The following NR2C1 variants were observed in gnomAD, a reference collection of about 807,000 sequenced individuals.
The protein encoded by NR2C1 is nuclear receptor subfamily 2 group C member 1.
NR2C1 carries 33 observed loss-of-function variants against 74.8 expected under a neutral mutation model. That is an observed-to-expected ratio of 0.44 (90% confidence interval 0.33 to 0.59). The LOEUF (loss-of-function observed/expected upper bound fraction) is 0.59, where lower values mean the gene tolerates loss of function less well. NR2C1 is among the 20% of genes least tolerant of loss of function. The probability of loss-of-function intolerance (pLI) is 0.02; values close to 1 mark genes in which losing one functional copy is unlikely to be tolerated. For synonymous variants in NR2C1, 225 were observed against 240.6 expected (o/e 0.94, Z 0.60); for missense variants, 568 against 715.6 (o/e 0.79, Z 2.35).
chr12:95,056,928 T>C (rs1409471420), intron 7 of NR2C1, among the ~76,000 whole-genome samples: 23 of 141,332 alleles, frequency 1.6e-4, no homozygotes, highest in African/African-American at 2.4e-4. Context: ...CACTGCACTC[T>C]AGCCTCGGCA....
Position 95,052,929 on chromosome 12 carries a change from C to T in NR2C1, c.784-986G>A, listed in dbSNP as rs192608537. Among the ~76,000 whole-genome samples the T allele has an allele frequency of 9.9e-5, 15 of 152,110 alleles. No homozygotes were observed. The East Asian group carries it at 1.2e-3, about 12-fold the overall frequency. On this transcript the variant is annotated intron_variant, in intron 7 of 13. Coordinates refer to ENST00000333003, the MANE Select transcript of NR2C1 (RefSeq NM_003297.4). The stretch of plus-strand genomic sequence containing the variant: ...TAGATCAGTTACCCATTATTCTCTT[C>T]ACTTTTTTGTCACTGGAGTTGAAAA...
rs1282445697 is a variant in NR2C1, at chr12:95,057,584, G to C, written c.752C>G (p.Thr251Ser). 1 of 1,613,866 alleles carries C rather than the reference G, an allele frequency of 6.2e-7. No individual in the cohort carries two copies. The highest frequency in any genetic ancestry group is 8.5e-7 in the Non-Finnish European group (1 of 1,179,900). Reference sequence around the variant, plus strand: ...TGATGTCATCAGCACAGCTGACTCAGTTTTTACTCCAGATGGATGAATATT... The same window carrying C: ...TGATGTCATCAGCACAGCTGACTCACTTTTTACTCCAGATGGATGAATATT... ...FMNIHPSGVKTESAVLMTSDK... is the reference protein window; with the variant it reads ...FMNIHPSGVKSESAVLMTSDK... Residue 251 changes from threonine to serine, a missense_variant, in exon 7 of 14, where the codon ACT (threonine) becomes AGT (serine). Thr to Ser is a moderately conservative substitution (Grantham distance 58, BLOSUM62 1). This residue lies in a region of NR2C1 where 239 missense variants were observed against 232.3 expected (regional missense o/e 1.03). Coordinates refer to ENST00000333003, the MANE Select transcript of NR2C1 (RefSeq NM_003297.4).
chr12:95,060,510 C>G (rs761576246), intron 3 of NR2C1, among the ~76,000 whole-genome samples: 1 of 152,142 alleles, frequency 6.6e-6, no homozygotes, highest in African/African-American at 2.4e-5. Flanking sequence ...AAAAAATTAG[C>G]TGGGTGTGGT....
chr12:95,067,557 T>C (rs537451131), intron 1 of NR2C1, among the ~76,000 whole-genome samples, 166 bp from the exon 2 acceptor site: 71 of 152,074 alleles, frequency 4.7e-4, no homozygotes, highest in African/African-American at 1.7e-3. Context: ...TGGGTTGCCT[T>C]TTCCATGTGT....
intron 9 of NR2C1, among the ~76,000 whole-genome samples, chr12:95,044,290 T>C (rs1357837318): frequency 6.6e-6 from 1 of 151,608 alleles, no homozygotes; most frequent in East Asian, 1.9e-4. Flanking sequence ...TTTTTTGAGA[T>C]GCAGTCTTGC....
chr12:95,032,189 G>C (rs2136105216), intron 10 of NR2C1, among the ~76,000 whole-genome samples: 1 of 152,326 alleles, frequency 6.6e-6, no homozygotes, highest in Admixed American at 6.5e-5. Context: ...TTTATAGTAG[G>C]CAAGCAACCA....
chr12:95,043,055 G>A lies in NR2C1; in HGVS notation c.1132-2458C>T, dbSNP rs565586008. On this transcript the variant is annotated intron_variant, in intron 9 of 13. Coordinates refer to ENST00000333003, the MANE Select transcript of NR2C1 (RefSeq NM_003297.4). ...AGGTGGAAGAGCTGCTTGAACCTAGGAATTTTGAGACCAACCTGGGAAACA... is the reference window on the plus strand; with the variant it reads ...AGGTGGAAGAGCTGCTTGAACCTAGAAATTTTGAGACCAACCTGGGAAACA... Among the ~76,000 whole-genome samples, 48 of 152,036 alleles carry A rather than the reference G, an allele frequency of 3.2e-4. 1 individual carries two copies. The highest frequency in any genetic ancestry group is 1.1e-3 in the Admixed American group (17 of 15,262).
At chr12:95,039,549 AT>A (rs1871251049) in intron 10 of NR2C1, among the ~76,000 whole-genome samples, 2 of 152,212 alleles carry the variant, frequency 1.3e-5, no homozygotes, top group South Asian at 4.1e-4. Flanking sequence ...ATTTAAATAC[AT>A]TTGGCAAACT....
At chr12:95,039,208 T>G (rs1385248781) in intron 10 of NR2C1, among the ~76,000 whole-genome samples, 1 of 152,252 alleles carries the variant, frequency 6.6e-6, no homozygotes, top group Non-Finnish European at 1.5e-5. Flanking sequence ...CATGATTTAA[T>G]GCATAGTATA....
Position 95,021,679 on chromosome 12 carries a change from T to C in NR2C1, c.*550A>G, listed in dbSNP as rs1868791884. The C allele has an allele frequency of 6.6e-6, 1 of 152,328 alleles. No homozygotes were observed. Among genetic ancestry groups the C allele is most frequent in the Non-Finnish European group, 1.5e-5 (1 of 68,146 alleles). 9.4% of individuals were successfully genotyped at this position (152,328 alleles called of 1,614,324 possible). A position where few individuals can be genotyped will look rare whatever the true frequency, so the allele number is the denominator to read the frequency against. ...TAGTATATGCTAAGGGACACCATGA[T>C]ATTTAGAGAAGACAAAAAATATGTA... On this transcript the variant is annotated 3_prime_UTR_variant, in exon 14 of 14. Coordinates refer to ENST00000333003, the MANE Select transcript of NR2C1 (RefSeq NM_003297.4).
chr12:95,069,768 A>G (rs894321774), intron 1 of NR2C1, among the ~76,000 whole-genome samples: 1 of 152,098 alleles, frequency 6.6e-6, no homozygotes, highest in African/African-American at 2.4e-5. Flanking sequence ...TAATCCATCC[A>G]TCCATGCATC....
chr12:95,038,614 T>C (rs762387793), intron 10 of NR2C1, among the ~76,000 whole-genome samples: 6 of 152,160 alleles, frequency 3.9e-5, no homozygotes, highest in Non-Finnish European at 7.4e-5. Context: ...AAAAATTAGC[T>C]GGGCTTGGTG....
chr12:95,026,532 T>A (rs1406807103), intron 12 of NR2C1, among the ~76,000 whole-genome samples: 2 of 152,140 alleles, frequency 1.3e-5, no homozygotes, highest in African/African-American at 4.8e-5. Context: ...AACCTAAAAA[T>A]ACTTAGTAAA....
intron 10 of NR2C1, among the ~76,000 whole-genome samples, chr12:95,039,058 A>G (rs1256097869): frequency 6.6e-6 from 1 of 152,192 alleles, no homozygotes; most frequent in Non-Finnish European, 1.5e-5. Context: ...ACAGAGGAAG[A>G]ACTCATCTCT....
At chr12:95,025,355 C>A in intron 12 of NR2C1, 100 bp from the exon 13 acceptor site, 1 of 642,662 alleles carries the variant, frequency 1.6e-6, no homozygotes, top group Non-Finnish European at 2.6e-6. Context: ...AATAGAAGCC[C>A]CATCATAAAA....
In NR2C1 at chr12:95,031,297, A is replaced by G. The variant is rs1457368001; in HGVS notation, c.1393+52T>C. 6 of 1,437,314 alleles carry G rather than the reference A, an allele frequency of 4.2e-6. No homozygotes were observed. The African/African-American group carries it at 8.8e-5, about 21-fold the overall frequency. 89.0% of individuals were successfully genotyped at this position (1,437,314 alleles called of 1,614,324 possible). A position where few individuals can be genotyped will look rare whatever the true frequency, so the allele number is the denominator to read the frequency against. On this transcript the variant is annotated intron_variant, in intron 11 of 13. Coordinates refer to ENST00000333003, the MANE Select transcript of NR2C1 (RefSeq NM_003297.4). The stretch of plus-strand genomic sequence containing the variant: ...CTAACTTTAGTCATAACATTTAATG[A>G]AACTCATGCCTCCTCCTACAACCTG...
intron 7 of NR2C1, among the ~76,000 whole-genome samples, chr12:95,054,962 C>G (rs553207693): frequency 2.6e-4 from 40 of 152,234 alleles, no homozygotes; most frequent in African/African-American, 7.0e-4. Context: ...TGATTCTTAA[C>G]GAGCATGCTG....
intron 10 of NR2C1, among the ~76,000 whole-genome samples, chr12:95,039,598 C>G (rs769665266): frequency 1.4e-4 from 22 of 152,178 alleles, no homozygotes; most frequent in Non-Finnish European, 2.6e-4. Flanking sequence ...AGGCCATTTT[C>G]TATCTCATCT....
At chr12:95,043,097 C>A (rs1181253078) in intron 9 of NR2C1, among the ~76,000 whole-genome samples, 1 of 151,856 alleles carries the variant, frequency 6.6e-6, no homozygotes, top group Admixed American at 6.6e-5. Context: ...GACCTCATCT[C>A]TAAAAATAAA....
Sources: gnomAD v4.1 joint callset for allele counts (sites outside exome capture counted in the v4.1 genomes callset) on GRCh38, gnomAD v4.1.1 for gene constraint, gnomAD v4.1.1 regional missense constraint, MANE v1.5 for transcripts, NCBI Gene and HGNC (gene_info 2026-07-23, HGNC 2026-07-21) for gene names.